The following EEF2 variants were observed in gnomAD, a reference collection of about 807,000 sequenced individuals.
EEF2 encodes the protein elongation factor 2.
A neutral mutation model predicts 85.3 loss-of-function variants in EEF2; 21 were observed. That is an observed-to-expected ratio of 0.25 (90% CI 0.17 to 0.35). The LOEUF is 0.35. EEF2 is among the 10% of genes least tolerant of loss of function. The probability of loss-of-function intolerance (pLI) is 1.00; values close to 1 mark genes in which losing one functional copy is unlikely to be tolerated. For synonymous variants in EEF2, 723 were observed against 508.8 expected (o/e 1.42, Z -5.67); for missense variants, 825 against 1,225.3 (o/e 0.67, Z 4.88).
intron 1 of EEF2, chr19:3,985,118 C>A: frequency 2.5e-6 from 1 of 396,554 alleles, no homozygotes; most frequent in Admixed American, 4.5e-5. Context: ...TCATCATTCC[C>A]CACCCCCATC....
chr19:3,981,393 C>T lies in EEF2; in HGVS notation c.957G>A (p.Leu319=). ...TGTCCTCGCTGTCCAGTTTGATGTC[C>T]AGTTTCTCTATCAGTTTTGCTGTCT... is the stretch of plus-strand genomic sequence containing the variant. ...KEETAKLIEK[L]DIKLDSEDKD... is the part of the protein sequence containing the mutation. The change falls in exon 7 of 15, where the codon CTG becomes CTA. Residue 319 remains leucine, a synonymous_variant. Coordinates refer to ENST00000309311, the MANE Select transcript of EEF2 (RefSeq NM_001961.4). 1.9e-6 allele frequency: 3 copies of T among 1,614,244 alleles called. No homozygotes were observed. The highest frequency in any genetic ancestry group is 2.5e-6 in the Non-Finnish European group (3 of 1,180,050).
intron 1 of EEF2, chr19:3,984,688 C>G (rs567080944): frequency 4.2e-6 from 1 of 237,726 alleles, no homozygotes; most frequent in African/African-American, 2.3e-5. Context: ...CTCCTAAAGC[C>G]CCCTCCACGT....
Position 3,976,801 on chromosome 19 carries a change from AGG to A in EEF2, c.2384-56_2384-55del, listed in dbSNP as rs2039684912. 3 of 1,464,534 alleles carry A rather than the reference AGG, an allele frequency of 2.0e-6. No individual in the cohort carries two copies. In the African/African-American group the frequency reaches 4.2e-5, roughly 21 times the overall value. The allele number at this position is 1,464,534 out of a possible 1,614,324, so 90.7% of individuals were successfully genotyped here. A position where few individuals can be genotyped will look rare whatever the true frequency, so the allele number is the denominator to read the frequency against. Reference sequence around the variant, plus strand: ...GCCATCGAGAAGGTGGCAGGGCAGAAGGAAAGTCCTGTCAGGAGCTCAGGCTA... The same window carrying A: ...GCCATCGAGAAGGTGGCAGGGCAGAAAAAGTCCTGTCAGGAGCTCAGGCTA... On this transcript the variant is annotated intron_variant, in intron 14 of 14. Coordinates refer to ENST00000309311, the MANE Select transcript of EEF2 (RefSeq NM_001961.4).
intron 8 of EEF2, 37 bp from the exon 9 acceptor site, chr19:3,980,746 T>C (rs1234873723): frequency 3.1e-6 from 5 of 1,605,634 alleles, no homozygotes; most frequent in South Asian, 1.1e-5. Context: ...TTTATTCCAG[T>C]GCAGCTCAGC....
At chr19:3,981,265 G>A (rs1411026702) in intron 7 of EEF2, 74 bp downstream of exon 7, 1 of 1,450,340 alleles carries the variant, frequency 6.9e-7, no homozygotes, top group South Asian at 1.1e-5. Context: ...TCAGCCCCCA[G>A]GCCTGGGCTG....
chr19:3,984,336 T>G lies in EEF2; in HGVS notation c.18A>C (p.Val6=). ...TGTCCATGATGGCGCGGATCTGGTC[T>G]ACCGTGAAGTTCACCTGGGCAAGAC... MVNFT[V]DQIRAIMDKK... is the part of the protein sequence containing the mutation. The change falls in exon 2 of 15, where the codon GTA becomes GTC. Residue 6 remains valine, a synonymous_variant. Transcript: ENST00000309311. The G allele has an allele frequency of 6.2e-7, 1 of 1,614,128 alleles. No homozygotes were observed. Among genetic ancestry groups the G allele is most frequent in the Non-Finnish European group, 8.5e-7 (1 of 1,179,974 alleles).
Position 3,980,852 on chromosome 19 carries a change from T to C in EEF2, c.1139A>G (p.Glu380Gly). ...CCGGGACCACGTACCCATGGCAGCC[T>C]CGTCGTCCGGGGGCCCCTCGTACAG... ...ELLYEGPPDD[E>G]AAMGIKSCDP... The change falls in exon 8 of 15, where the codon GAG (glutamate) becomes GGG (glycine). Residue 380 changes from glutamate to glycine, a missense_variant. Coordinates refer to ENST00000309311, the MANE Select transcript of EEF2 (RefSeq NM_001961.4). The C allele has an allele frequency of 6.4e-7, 1 of 1,566,592 alleles. No individual in the cohort carries two copies. The highest frequency in any genetic ancestry group is 1.2e-5 in the South Asian group (1 of 86,406).
intron 11 of EEF2, among the ~76,000 whole-genome samples, chr19:3,978,445 G>A (rs1042496202): frequency 2.6e-5 from 4 of 152,162 alleles, no homozygotes; most frequent in Non-Finnish European, 5.9e-5. Flanking sequence ...TCTGGAGCAG[G>A]CCTGTCCCAA....
chr19:3,983,564 T>C lies in EEF2; in HGVS notation c.219-273A>G, dbSNP rs16992164. On this transcript the variant is annotated intron_variant, in intron 2 of 14. Coordinates refer to ENST00000309311, the MANE Select transcript of EEF2 (RefSeq NM_001961.4). ...ACTTGGTCCCAAGATTCATCACACCTGACTCAAAGTAGCAACTAAAAGACC... is the reference window on the plus strand; with the variant it reads ...ACTTGGTCCCAAGATTCATCACACCCGACTCAAAGTAGCAACTAAAAGACC... Among the ~76,000 whole-genome samples the C allele has an allele frequency of 0.057, 8,599 of 152,104 alleles. 827 individuals carry two copies. Among genetic ancestry groups the C allele is most frequent in the African/African-American group, 0.19 (8,060 of 41,450 alleles).
rs150237805 is a variant in EEF2, at chr19:3,980,352, T to C, written c.1346+162A>G. 4.1e-3 allele frequency among the ~76,000 whole-genome samples: 626 copies of C among 152,352 alleles called. 2 individuals carry two copies. The highest frequency in any genetic ancestry group is 6.9e-3 in the Non-Finnish European group (469 of 68,036). On this transcript the variant is annotated intron_variant, in intron 9 of 14. Coordinates refer to ENST00000309311, the MANE Select transcript of EEF2 (RefSeq NM_001961.4). Reference sequence around the variant, plus strand: ...CTGGGGCTTGGAGCTTCTCCAGAAATGCCCTCACTGGGCTAAGAACAAAAG... The same window carrying C: ...CTGGGGCTTGGAGCTTCTCCAGAAACGCCCTCACTGGGCTAAGAACAAAAG...
At position 3,983,243 on chromosome 19, in the gene EEF2, G is replaced by C; in HGVS notation, c.267C>G (p.Ile89Met). The C allele has an allele frequency of 1.9e-6, 3 of 1,613,922 alleles. No homozygotes were observed. The highest frequency in any genetic ancestry group is 1.7e-6 in the Non-Finnish European group (2 of 1,179,960). The change falls in exon 3 of 15, where the codon ATC becomes ATG. Residue 89 changes from isoleucine to methionine, a missense_variant. By Grantham distance (10) the Ile-to-Met change is conservative. Coordinates refer to ENST00000309311, the MANE Select transcript of EEF2 (RefSeq NM_001961.4). Reference protein sequence around the residue: ...YELSENDLNFIKQSKDGAGFL... With the variant: ...YELSENDLNFMKQSKDGAGFL... ...AGCCGGCACCGTCCTTGCTCTGCTT[G>C]ATGAAGTTCAAGTCATTCTCCGAGA...
chr19:3,981,043 C>A, intron 7 of EEF2, 64 bp from the exon 8 acceptor site: 1 of 1,519,414 alleles, frequency 6.6e-7, no homozygotes, highest in South Asian at 1.2e-5. Flanking sequence ...ACCCCGTACA[C>A]GCTTCCTCTC....
chr19:3,984,737 T>A, intron 1 of EEF2: 1 of 221,856 alleles, frequency 4.5e-6, no homozygotes, highest in East Asian at 1.2e-4. Context: ...GCAAGAAGCT[T>A]CATCATAAAA....
rs541046049 is a variant in EEF2 at position 3,982,698 on chromosome 19, A to G, written c.612+109T>C. On this transcript the variant is annotated intron_variant, in intron 4 of 14. Coordinates refer to ENST00000309311, the MANE Select transcript of EEF2 (RefSeq NM_001961.4). The stretch of plus-strand genomic sequence containing the variant: ...CCAGCCCCCTTCTCTGTCACCCAAC[A>G]TTCCTGGCAAAAACACACTTCCAGT... 109 of 1,298,162 alleles carry G rather than the reference A, an allele frequency of 8.4e-5. No homozygotes were observed. The South Asian group carries it at 1.2e-3, about 15-fold the overall frequency. The allele number at this position is 1,298,162 out of a possible 1,614,324, so 80.4% of individuals were successfully genotyped here. A position where few individuals can be genotyped will look rare whatever the true frequency, so the allele number is the denominator to read the frequency against.
rs202115752 is a variant in EEF2 at position 3,984,216 on chromosome 19, G to A, written c.138C>T (p.Ile46=). 2.0e-5 allele frequency: 33 copies of A among 1,614,122 alleles called. No individual in the cohort carries two copies. Among genetic ancestry groups the A allele is most frequent in the African/African-American group, 8.0e-5 (6 of 75,056 alleles). ...GTGTCTCCCCGGCCCGGGCCGAGGC[G>A]ATGATGCCCGCCTTGCACACCAGGG... The part of the protein sequence containing the change: ...TDSLVCKAGI[I]ASARAGETRF... The change falls in exon 2 of 15, where the codon ATC becomes ATT. Residue 46 remains isoleucine, a synonymous_variant. Transcript: ENST00000309311.
chr19:3,976,944 T>C lies in EEF2; in HGVS notation c.2384-197A>G, dbSNP rs117080025. On this transcript the variant is annotated intron_variant, in intron 14 of 14. Transcript: ENST00000309311. ...TGCCGCTGCTCGTTTGGGACAACCC[T>C]GTGCTACAGCTCGGCTGCTCTACCG... is the stretch of plus-strand genomic sequence containing the variant. 8.4e-3 allele frequency among the ~76,000 whole-genome samples: 1,278 copies of C among 152,320 alleles called. 10 individuals are homozygous for C. Among genetic ancestry groups the C allele is most frequent in the Non-Finnish European group, 0.015 (1,012 of 68,014 alleles).
chr19:3,984,712 C>T (rs946304744), intron 1 of EEF2: 21 of 222,824 alleles, frequency 9.4e-5, no homozygotes, highest in Non-Finnish European at 1.8e-5. Flanking sequence ...CACCGGGCCA[C>T]CCAAACTTCC....
At chr19:3,982,494 C>T (rs199750130) in intron 4 of EEF2, 70 bp from the exon 5 acceptor site, 507 of 1,594,212 alleles carry the variant, frequency 3.2e-4, no homozygotes, top group Non-Finnish European at 4.0e-4. Flanking sequence ...GGGCTGGGCG[C>T]CTTGGGCATG....
chr19:3,980,000 GCCCACAATGTT>G lies in EEF2; in HGVS notation c.1402_1412del (p.Asn468ProfsTer45). 6.2e-7 allele frequency: 1 copy of G among 1,613,852 alleles called. No homozygotes were observed. The highest frequency in any genetic ancestry group is 8.5e-7 in the Non-Finnish European group (1 of 1,180,046). ...CCAGGAACTGGTCCACGCCCACGAG[GCCCACAATGTT>G]CCCACAAGGCACATCCTCGATGGGC... On this transcript the variant is annotated frameshift_variant, in exon 10 of 15. Coordinates refer to ENST00000309311, the MANE Select transcript of EEF2 (RefSeq NM_001961.4). LOFTEE classifies it high-confidence loss of function.
Sources: gnomAD v4.1 joint callset for allele counts (sites outside exome capture counted in the v4.1 genomes callset) on GRCh38, gnomAD v4.1.1 for gene constraint, MANE v1.5 for transcripts, NCBI Gene and HGNC (gene_info 2026-07-23, HGNC 2026-07-21) for gene names.